The following ZNF804B variants were observed in gnomAD, a reference collection of about 807,000 sequenced individuals.
ZNF804B encodes zinc finger 804B.
A neutral mutation model predicts 101.4 loss-of-function variants in ZNF804B; 80 were observed. That is an observed-to-expected ratio of 0.79 (90% CI 0.66 to 0.95). ZNF804B has a LOEUF of 0.95. ZNF804B is among the 40% of genes least tolerant of loss of function. ZNF804B has a pLI of 0.00. For synonymous variants in ZNF804B, 622 were observed against 558.8 expected (o/e 1.11, Z -1.59); for missense variants, 1,673 against 1,561.9 (o/e 1.07, Z -1.20).
At chr7:89,272,038 G>A (rs942988044) in intron 2 of ZNF804B, among the ~76,000 whole-genome samples, 18 of 151,902 alleles carry the variant, frequency 1.2e-4, no homozygotes, top group Admixed American at 1.2e-3. Flanking sequence ...AAAATTCTTA[G>A]TATGAAATTT....
chr7:89,003,752 T>C (rs750340116), intron 1 of ZNF804B, among the ~76,000 whole-genome samples: 4 of 151,904 alleles, frequency 2.6e-5, no homozygotes, highest in African/African-American at 7.2e-5. Flanking sequence ...ATTAGACTAC[T>C]TCTGACCCAC....
At chr7:88,761,084 T>A (rs1199361704) in intron 1 of ZNF804B, among the ~76,000 whole-genome samples, 1 of 151,872 alleles carries the variant, frequency 6.6e-6, no homozygotes, top group Non-Finnish European at 1.5e-5. Flanking sequence ...TTATGTTTGA[T>A]ATTTTCCATC....
At chr7:88,886,753 G>GA (rs1297436447) in intron 1 of ZNF804B, among the ~76,000 whole-genome samples, 1 of 151,166 alleles carries the variant, frequency 6.6e-6, no homozygotes, top group African/African-American at 2.4e-5. Context: ...TAAAACTTAT[G>GA]AAAAGTAAAA....
intron 2 of ZNF804B, among the ~76,000 whole-genome samples, chr7:89,229,253 C>T (rs953220149): frequency 1.3e-5 from 2 of 152,172 alleles, no homozygotes; most frequent in Non-Finnish European, 2.9e-5. Flanking sequence ...TGAGAGTGAG[C>T]GAGGGCTGTG....
intron 1 of ZNF804B, among the ~76,000 whole-genome samples, chr7:88,990,064 T>TA (rs1220628841): frequency 6.6e-6 from 1 of 152,020 alleles, no homozygotes; most frequent in Non-Finnish European, 1.5e-5. Flanking sequence ...CAATGATAAC[T>TA]AATATTACTT....
chr7:89,206,537 A>C (rs1408174560), intron 1 of ZNF804B, among the ~76,000 whole-genome samples: 3 of 152,128 alleles, frequency 2.0e-5, no homozygotes, highest in African/African-American at 7.2e-5. Context: ...GGATCACCTG[A>C]GGTCAGGAGT....
intron 2 of ZNF804B, among the ~76,000 whole-genome samples, chr7:89,226,329 A>G (rs962687119): frequency 1.3e-5 from 2 of 152,136 alleles, no homozygotes; most frequent in Non-Finnish European, 2.9e-5. Flanking sequence ...AACTAGAAAA[A>G]TACTAGAAAC....
chr7:88,769,087 T>G (rs960795916), intron 1 of ZNF804B, among the ~76,000 whole-genome samples: 1 of 152,204 alleles, frequency 6.6e-6, no homozygotes, highest in Non-Finnish European at 1.5e-5. Flanking sequence ...TATATACACC[T>G]GATGTTGTAG....
At chr7:89,103,057 T>TTTG (rs1790082953) in intron 1 of ZNF804B, among the ~76,000 whole-genome samples, 1 of 71,852 alleles carries the variant, frequency 1.4e-5, no homozygotes, top group African/African-American at 6.1e-5. Context: ...TGTTTTTTTT[T>TTTG]TTTTTTTTTT....
intron 2 of ZNF804B, among the ~76,000 whole-genome samples, chr7:89,287,089 A>G (rs891878110): frequency 3.9e-5 from 6 of 152,148 alleles, no homozygotes; most frequent in Non-Finnish European, 8.8e-5. Flanking sequence ...TTTTTCTTAT[A>G]ATTTTCTTGA....
chr7:88,854,533 T>TTCCTTTCCTTCCCTTCCCTTC (rs796987599), intron 1 of ZNF804B, among the ~76,000 whole-genome samples: 91 of 78,172 alleles, frequency 1.2e-3, no homozygotes, highest in African/African-American at 2.7e-3. Flanking sequence ...TTCCTTTCCT[T>TTCCTTTCCTTCCCTTCCCTTC]CCTTCCTTCC....
chr7:88,982,951 T>C (rs942753555), intron 1 of ZNF804B, among the ~76,000 whole-genome samples: 16 of 152,084 alleles, frequency 1.1e-4, no homozygotes, highest in African/African-American at 3.6e-4. Context: ...ATAAAGTCCT[T>C]CTTACTAAGC....
At chr7:88,778,432 G>A (rs763418662) in intron 1 of ZNF804B, among the ~76,000 whole-genome samples, 19 of 152,166 alleles carry the variant, frequency 1.2e-4, no homozygotes, top group East Asian at 3.9e-4. Context: ...GGTCCTGATC[G>A]TGGACATCTA....
intron 1 of ZNF804B, among the ~76,000 whole-genome samples, chr7:88,941,063 T>C (rs879683077): frequency 1.3e-5 from 2 of 151,916 alleles, no homozygotes; most frequent in Non-Finnish European, 2.9e-5. Context: ...TTAAAATAAC[T>C]AACAGCTATT....
At chr7:89,253,076 C>T (rs981961049) in intron 2 of ZNF804B, among the ~76,000 whole-genome samples, 1 of 151,964 alleles carries the variant, frequency 6.6e-6, no homozygotes, top group African/African-American at 2.4e-5. Flanking sequence ...AGAAAAAAAT[C>T]TATAATTAAA....
chr7:89,272,129 C>G (rs538510897), intron 2 of ZNF804B, among the ~76,000 whole-genome samples: 1 of 151,992 alleles, frequency 6.6e-6, no homozygotes, highest in Non-Finnish European at 1.5e-5. Flanking sequence ...TTGCCATTCT[C>G]CCAACATATC....
At chr7:89,313,180 T>G (rs1790668821) in intron 2 of ZNF804B, among the ~76,000 whole-genome samples, 1 of 152,226 alleles carries the variant, frequency 6.6e-6, no homozygotes, top group Non-Finnish European at 1.5e-5. Flanking sequence ...CAAGTCACAG[T>G]CCTTTTTCTG....
intron 1 of ZNF804B, among the ~76,000 whole-genome samples, chr7:88,926,246 G>T (rs1792794543): frequency 6.6e-6 from 1 of 152,032 alleles, no homozygotes; most frequent in African/African-American, 2.4e-5. Flanking sequence ...ACGAAGATCT[G>T]GGAAATCCTA....
chr7:88,977,880 T>G (rs895205287), intron 1 of ZNF804B, among the ~76,000 whole-genome samples: 1 of 151,656 alleles, frequency 6.6e-6, no homozygotes, highest in Non-Finnish European at 1.5e-5. Context: ...CTGCAAACTT[T>G]CCTCCTAATG....
Sources: allele counts gnomAD v4.1 joint callset (sites outside exome capture counted in the v4.1 genomes callset), GRCh38; gene constraint gnomAD v4.1.1; transcripts MANE v1.5; gene names NCBI Gene and HGNC (gene_info 2026-07-23, HGNC 2026-07-21).